Variants in PLXNA4 observed in about 807,000 individuals in gnomAD.
PLXNA4 encodes the protein plexin-A4.
In PLXNA4, 44 loss-of-function variants were observed where a neutral mutation model predicts 191.8. The observed-to-expected ratio is 0.23, with a 90% CI of 0.18 to 0.29. PLXNA4 has a LOEUF of 0.29. Ranked by LOEUF, PLXNA4 falls within the 10% of genes least tolerant of loss-of-function variation. The pLI is 1.00. For synonymous variants in PLXNA4, 1,082 were observed against 1,009.5 expected (o/e 1.07, Z -1.36); for missense variants, 1,800 against 2,488.8 (o/e 0.72, Z 5.89).
At chr7:132,194,512 G>A (rs1797192935) in intron 13 of PLXNA4, among the ~76,000 whole-genome samples, 1 of 152,192 alleles carries the variant, frequency 6.6e-6, no homozygotes, top group African/African-American at 2.4e-5. Flanking sequence ...TTAGGGAATA[G>A]GGCTGGCAGA....
chr7:132,552,457 C>G (rs1448125349), intron 1 of PLXNA4, among the ~76,000 whole-genome samples: 1 of 152,176 alleles, frequency 6.6e-6, no homozygotes, highest in Non-Finnish European at 1.5e-5. Context: ...CCCCAAGATG[C>G]TAGGCACTGG....
intron 9 of PLXNA4, among the ~76,000 whole-genome samples, chr7:132,212,102 G>A (rs965257452): frequency 2.0e-5 from 3 of 152,104 alleles, no homozygotes; most frequent in African/African-American, 7.2e-5. Flanking sequence ...TGCCAGGCAG[G>A]TCCCACCATC....
chr7:132,439,165 T>C (rs3752707), intron 3 of PLXNA4, among the ~76,000 whole-genome samples: 117,506 of 152,126 alleles, frequency 0.77, 47,792 homozygotes, highest in Non-Finnish European at 0.91. Context: ...CAGATCCAGC[T>C]GCCCTGACAC....
At chr7:132,381,712 G>A (rs1160022002) in intron 3 of PLXNA4, among the ~76,000 whole-genome samples, 1 of 152,228 alleles carries the variant, frequency 6.6e-6, no homozygotes, top group Non-Finnish European at 1.5e-5. Context: ...AATATCAGGT[G>A]TGATTCAAAT....
In PLXNA4 at chr7:132,485,547, C is replaced by T. The variant is rs550503323; in HGVS notation, c.1371+3745G>A. 3.3e-5 allele frequency among the ~76,000 whole-genome samples: 5 copies of T among 152,312 alleles called. No homozygotes were observed. The East Asian group carries it at 7.7e-4, about 24-fold the overall frequency. ...ATTCAAGCAAAGAAATCTCGTGCTTCTGAGACAACACTGAGCTGATTGTCC... is the reference window on the plus strand; with the variant it reads ...ATTCAAGCAAAGAAATCTCGTGCTTTTGAGACAACACTGAGCTGATTGTCC... On this transcript the variant is annotated intron_variant, in intron 3 of 31. Coordinates refer to ENST00000321063, the MANE Select transcript of PLXNA4 (RefSeq NM_020911.2).
At chr7:132,350,135 T>C (rs1323017516) in intron 3 of PLXNA4, among the ~76,000 whole-genome samples, 1 of 152,178 alleles carries the variant, frequency 6.6e-6, no homozygotes, top group Non-Finnish European at 1.5e-5. Flanking sequence ...TGGTTAATCA[T>C]CACCACAGCT....
chr7:132,423,124 G>T (rs996314292), intron 3 of PLXNA4, among the ~76,000 whole-genome samples: 3 of 152,184 alleles, frequency 2.0e-5, no homozygotes, highest in Non-Finnish European at 4.4e-5. Flanking sequence ...CCTCCTGTGC[G>T]AACACCGTGG....
chr7:132,433,336 G>T (rs1795346188), intron 3 of PLXNA4, among the ~76,000 whole-genome samples: 1 of 152,186 alleles, frequency 6.6e-6, no homozygotes, highest in South Asian at 2.1e-4. Flanking sequence ...CCCTGAAGTG[G>T]ACAGGAAGCC....
intron 2 of PLXNA4, among the ~76,000 whole-genome samples, chr7:132,498,251 A>C (rs1481783259): frequency 6.6e-6 from 1 of 152,166 alleles, no homozygotes; most frequent in Non-Finnish European, 1.5e-5. Context: ...GATAAATTAA[A>C]GTTTATTATA....
At chr7:132,198,882 A>G (rs1400302662) in intron 12 of PLXNA4, among the ~76,000 whole-genome samples, 1 of 152,188 alleles carries the variant, frequency 6.6e-6, no homozygotes, top group Non-Finnish European at 1.5e-5. Context: ...CATTTCATAG[A>G]AGAGATGAGA....
chr7:132,138,520 TGAA>T (rs1272566379), intron 30 of PLXNA4, among the ~76,000 whole-genome samples: 3 of 152,164 alleles, frequency 2.0e-5, no homozygotes, highest in East Asian at 3.9e-4. Context: ...CATCACCAAG[TGAA>T]GAAGAACTCT....
chr7:132,644,749 C>T (rs1369922857), intron 2 of PLXNA4, among the ~76,000 whole-genome samples: 3 of 152,140 alleles, frequency 2.0e-5, no homozygotes, highest in Non-Finnish European at 2.9e-5. Context: ...ATATGATGTG[C>T]ATGCCCCGTC....
chr7:132,251,569 C>T (rs1350634560), intron 4 of PLXNA4, among the ~76,000 whole-genome samples: 1 of 152,206 alleles, frequency 6.6e-6, no homozygotes, highest in Admixed American at 6.5e-5. Flanking sequence ...CTCCATCTAG[C>T]ACCTGACCCT....
intron 2 of PLXNA4, among the ~76,000 whole-genome samples, chr7:132,582,927 A>G (rs1802432616): frequency 1.3e-5 from 2 of 152,210 alleles, no homozygotes; most frequent in African/African-American, 4.8e-5. Context: ...CTGGGCACCA[A>G]TAGATGTCCT....
chr7:132,246,022 G>A (rs1367135385), intron 4 of PLXNA4, among the ~76,000 whole-genome samples: 1 of 152,182 alleles, frequency 6.6e-6, no homozygotes, highest in Non-Finnish European at 1.5e-5. Context: ...GGTGATGCTT[G>A]CACCACAATG....
At chr7:132,277,506 G>A (rs373848354) in intron 4 of PLXNA4, among the ~76,000 whole-genome samples, 4 of 152,152 alleles carry the variant, frequency 2.6e-5, no homozygotes, top group Non-Finnish European at 4.4e-5. Context: ...TTTGAATCAC[G>A]CACAGGATTC....
chr7:132,469,671 C>T (rs890806581), intron 3 of PLXNA4, among the ~76,000 whole-genome samples: 2 of 152,202 alleles, frequency 1.3e-5, no homozygotes, highest in African/African-American at 4.8e-5. Flanking sequence ...CAATATACCT[C>T]TGTGGTTTCT....
chr7:132,177,251 G>A (rs1796506322), intron 20 of PLXNA4, among the ~76,000 whole-genome samples: 1 of 152,222 alleles, frequency 6.6e-6, no homozygotes, highest in Non-Finnish European at 1.5e-5. Flanking sequence ...GAGGGTGTGT[G>A]GGCCTGTGTG....
At chr7:132,634,334 C>T (rs139194550) in intron 2 of PLXNA4, among the ~76,000 whole-genome samples, 1 of 152,248 alleles carries the variant, frequency 6.6e-6, no homozygotes, top group Non-Finnish European at 1.5e-5. Context: ...ATATGTAAGG[C>T]TTCAATAAAC....
Sources: allele counts gnomAD v4.1 joint callset (sites outside exome capture counted in the v4.1 genomes callset), GRCh38; gene constraint gnomAD v4.1.1; transcripts MANE v1.5; gene names NCBI Gene and HGNC (gene_info 2026-07-23, HGNC 2026-07-21).